Variants in PHF21B observed in about 807,000 individuals in gnomAD.
PHF21B encodes PHD finger protein 4.
PHF21B carries 22 observed loss-of-function variants against 62.2 expected under a neutral mutation model. The ratio of observed to expected loss-of-function variants is 0.35; its 90% CI spans 0.25 to 0.51. PHF21B has a LOEUF of 0.51. Ranked by LOEUF, PHF21B falls within the 20% of genes least tolerant of loss-of-function variation. The probability of loss-of-function intolerance (pLI) is 0.97; values close to 1 mark genes in which losing one functional copy is unlikely to be tolerated. For synonymous variants in PHF21B, 341 were observed against 314.7 expected, an observed-to-expected ratio of 1.08 and a Z score of -0.88; for missense variants, 701 against 707.9, an observed-to-expected ratio of 0.99 and a Z score of 0.11.
intron 12 of PHF21B, among the ~76,000 whole-genome samples, chr22:44,884,110 GCACCATCACCATCATGATCACCATTAT>G (rs1569203963): frequency 1.8e-5 from 2 of 113,042 alleles, no homozygotes; most frequent in East Asian, 2.6e-4. Flanking sequence ...ACTGTGATCA[GCACCATCACCATCATGATCACCATTAT>G]CACCACCACC....
At chr22:44,981,291 C>G (rs113068516) in intron 2 of PHF21B, among the ~76,000 whole-genome samples, 4,829 of 152,302 alleles carry the variant, frequency 0.032, 103 homozygotes, top group Middle Eastern at 0.061. Context: ...CCTGTGTCAT[C>G]TCTACCCTCC....
chr22:44,919,578 C>T (rs1166484642), intron 3 of PHF21B, among the ~76,000 whole-genome samples: 1 of 152,224 alleles, frequency 6.6e-6, no homozygotes, highest in Non-Finnish European at 1.5e-5. Flanking sequence ...TCTCACCATC[C>T]TTGAGCTGGG....
intron 6 of PHF21B, among the ~76,000 whole-genome samples, chr22:44,894,801 G>C (rs1320312292): frequency 6.6e-6 from 1 of 152,146 alleles, no homozygotes; most frequent in Non-Finnish European, 1.5e-5. Context: ...AAAGGGAGAG[G>C]GCTGTCTTCT....
chr22:44,900,859 G>A (rs1485865364), intron 5 of PHF21B, among the ~76,000 whole-genome samples: 1 of 150,724 alleles, frequency 6.6e-6, no homozygotes, highest in Non-Finnish European at 1.5e-5. Context: ...TTCACTGGGT[G>A]TGTCTCAGCA....
intron 2 of PHF21B, among the ~76,000 whole-genome samples, chr22:44,975,059 G>C (rs1012881923): frequency 6.6e-6 from 1 of 152,092 alleles, no homozygotes; most frequent in African/African-American, 2.4e-5. Context: ...TGTCCTGGAC[G>C]CTGACCCCAC....
At chr22:45,007,682 G>C (rs1393356849) in intron 2 of PHF21B, among the ~76,000 whole-genome samples, 1 of 99,692 alleles carries the variant, frequency 1.0e-5, no homozygotes, top group African/African-American at 3.1e-5. Flanking sequence ...TCGGGGCTGC[G>C]CGGGGAAGGG....
chr22:44,911,884 C>T (rs561148452), intron 5 of PHF21B, among the ~76,000 whole-genome samples: 2 of 152,242 alleles, frequency 1.3e-5, no homozygotes, highest in South Asian at 4.1e-4. Flanking sequence ...GGAAAAGCTG[C>T]AGACACTCAA....
intron 2 of PHF21B, among the ~76,000 whole-genome samples, chr22:44,975,989 G>A (rs931548034): frequency 4.6e-5 from 7 of 152,146 alleles, no homozygotes; most frequent in East Asian, 1.9e-4. Context: ...GCAACATGGC[G>A]AAACCTCATC....
At chr22:44,958,598 A>ATTTTTTTTTTTTTTTTTT (rs59943293) in intron 2 of PHF21B, among the ~76,000 whole-genome samples, 2 of 75,886 alleles carry the variant, frequency 2.6e-5, no homozygotes, top group Non-Finnish European at 4.4e-5. Context: ...CCTTCCTTTG[A>ATTTTTTTTTTTTTTTTTT]TTTTTTTTTT....
chr22:44,947,049 CCT>C (rs111403690), intron 2 of PHF21B, among the ~76,000 whole-genome samples: 7,327 of 152,320 alleles, frequency 0.048, 279 homozygotes, highest in African/African-American at 0.11. Flanking sequence ...TTATTCATCC[CCT>C]GTTAAACGTG....
At chr22:44,887,922 C>G in intron 10 of PHF21B, 41 bp downstream of exon 10, 1 of 1,410,544 alleles carries the variant, frequency 7.1e-7, no homozygotes, top group Non-Finnish European at 9.3e-7. Context: ...TGGGGACCTC[C>G]ATGCCAGTCT....
At chr22:44,958,868 T>C (rs1188456498) in intron 2 of PHF21B, among the ~76,000 whole-genome samples, 3 of 152,046 alleles carry the variant, frequency 2.0e-5, no homozygotes, top group African/African-American at 7.2e-5. Flanking sequence ...CTTGAACTCC[T>C]GACCTCTGGT....
chr22:44,906,687 T>A (rs898243786), intron 5 of PHF21B, among the ~76,000 whole-genome samples: 1 of 152,230 alleles, frequency 6.6e-6, no homozygotes, highest in Non-Finnish European at 1.5e-5. Context: ...GAAGTTAGCA[T>A]GCAGCTCCGT....
intron 2 of PHF21B, among the ~76,000 whole-genome samples, chr22:45,004,605 C>T (rs999835959): frequency 4.6e-5 from 7 of 152,132 alleles, no homozygotes; most frequent in African/African-American, 1.7e-4. Context: ...ATGTACCTTT[C>T]TGGAGGAGAG....
intron 2 of PHF21B, among the ~76,000 whole-genome samples, chr22:44,933,693 T>C (rs997028623): frequency 6.6e-6 from 1 of 150,884 alleles, no homozygotes; most frequent in Non-Finnish European, 1.5e-5. Flanking sequence ...AGGAGACGAG[T>C]ATCTGGAGCT....
chr22:44,886,392 CAAAAAAAAAAAAAAAAAAA>C lies in PHF21B; in HGVS notation c.1198-473_1198-455del, dbSNP rs61502377. ...GAAAGAAGAAAAAAGGAAGAAGAGG[CAAAAAAAAAAAAAAAAAAA>C]AAAAAAAAAGCTGGGCATTAATCCC... On this transcript the variant is annotated intron_variant, in intron 10 of 12. Coordinates refer to ENST00000313237, the MANE Select transcript of PHF21B (RefSeq NM_138415.5). 7.5e-5 allele frequency among the ~76,000 whole-genome samples: 4 copies of C among 53,168 alleles called. No homozygotes were observed. In the East Asian group the frequency reaches 2.5e-3, roughly 34 times the overall value. The allele number at this position is 53,168 out of a possible 152,430, so 34.9% of individuals were successfully genotyped here. A position where few individuals can be genotyped will look rare whatever the true frequency, so the allele number is the denominator to read the frequency against.
rs189322342 is a variant in PHF21B, at chr22:44,882,875, T to C, written c.*211A>G. 46 of 572,618 alleles carry C rather than the reference T, an allele frequency of 8.0e-5. 1 individual carries two copies. The highest frequency in any genetic ancestry group is 1.3e-4 in the Non-Finnish European group (44 of 338,564). The allele number at this position is 572,618 out of a possible 1,614,324, so 35.5% of individuals were successfully genotyped here. A position where few individuals can be genotyped will look rare whatever the true frequency, so the allele number is the denominator to read the frequency against. On this transcript the variant is annotated 3_prime_UTR_variant, in exon 13 of 13. Coordinates refer to ENST00000313237, the MANE Select transcript of PHF21B (RefSeq NM_138415.5). ...TGTCGTACCCCACCTGGCTCCTAGG[T>C]ACCCCCTGTGAATTTGGAGGGCACA...
intron 2 of PHF21B, among the ~76,000 whole-genome samples, chr22:44,934,915 C>T (rs1293693433): frequency 6.6e-6 from 1 of 152,168 alleles, no homozygotes; most frequent in African/African-American, 2.4e-5. Flanking sequence ...GGAAGTGTCC[C>T]AGCCCTCGCT....
intron 2 of PHF21B, among the ~76,000 whole-genome samples, chr22:44,994,520 G>A (rs1215846935): frequency 6.6e-6 from 1 of 152,240 alleles, no homozygotes; most frequent in Non-Finnish European, 1.5e-5. Flanking sequence ...CAGACTTCTG[G>A]CCTCCAGAAC....
Sources: allele counts gnomAD v4.1 joint callset (sites outside exome capture counted in the v4.1 genomes callset), GRCh38; gene constraint gnomAD v4.1.1; transcripts MANE v1.5; gene names NCBI Gene and HGNC (gene_info 2026-07-23, HGNC 2026-07-21).